ALK: variants seen among roughly 807,000 people sequenced by gnomAD.
The protein encoded by ALK is ALK tyrosine kinase receptor.
A neutral mutation model predicts 163.1 loss-of-function variants in ALK; 74 were observed. The observed-to-expected ratio is 0.45, with a 90% confidence interval of 0.38 to 0.55. The LOEUF is 0.55. ALK is among the 20% of genes least tolerant of loss of function. ALK has a pLI of 0.00. For missense variants in ALK, 2,063 were observed against 2,105.3 expected (o/e 0.98, Z 0.39); for synonymous variants, 960 against 843.2 (o/e 1.14, Z -2.40).
At chr2:29,413,351 T>C (rs1164249711) in intron 4 of ALK, among the ~76,000 whole-genome samples, 1 of 151,626 alleles carries the variant, frequency 6.6e-6, no homozygotes, top group East Asian at 1.9e-4. Context: ...ATACTTGTTA[T>C]CTTTTTTTTT....
intron 5 of ALK, among the ~76,000 whole-genome samples, chr2:29,361,114 C>T (rs140803706): frequency 7.8e-4 from 119 of 152,344 alleles, no homozygotes; most frequent in African/African-American, 2.6e-3. Flanking sequence ...GATGAATCCA[C>T]GAGCAGATCG....
At chr2:29,373,211 T>C (rs550876655) in intron 5 of ALK, among the ~76,000 whole-genome samples, 51 of 152,332 alleles carry the variant, frequency 3.3e-4, no homozygotes, top group Admixed American at 1.6e-3. Flanking sequence ...GATGTAAAAC[T>C]AATAAATACT....
At chr2:29,343,204 T>A (rs957175702) in intron 5 of ALK, among the ~76,000 whole-genome samples, 7 of 142,332 alleles carry the variant, frequency 4.9e-5, no homozygotes, top group Admixed American at 4.2e-4. Context: ...TTTTAAAATT[T>A]AAAAATTTTT....
chr2:29,594,324 C>T (rs1314543976), intron 3 of ALK, among the ~76,000 whole-genome samples: 1 of 152,010 alleles, frequency 6.6e-6, no homozygotes, highest in African/African-American at 2.4e-5. Context: ...GTATCTCTTC[C>T]CAACTCCACA....
chr2:29,673,077 GC>G (rs1677755499), intron 3 of ALK, among the ~76,000 whole-genome samples: 1 of 137,726 alleles, frequency 7.3e-6, no homozygotes, highest in Non-Finnish European at 1.5e-5. Flanking sequence ...CTGGATATTA[GC>G]CCTTTGTCAG....
chr2:29,346,484 C>G (rs1385668179), intron 5 of ALK, among the ~76,000 whole-genome samples: 1 of 152,222 alleles, frequency 6.6e-6, no homozygotes, highest in Admixed American at 6.5e-5. Flanking sequence ...CTGTTGGCAT[C>G]TCTCAGGGCC....
chr2:29,768,147 C>T (rs977595647), intron 1 of ALK, among the ~76,000 whole-genome samples: 2 of 152,272 alleles, frequency 1.3e-5, no homozygotes, highest in African/African-American at 4.8e-5. Context: ...GTGGCCACGT[C>T]GCTGGCTCTG....
intron 3 of ALK, among the ~76,000 whole-genome samples, chr2:29,592,105 A>G (rs543222482): frequency 6.6e-6 from 1 of 152,186 alleles, no homozygotes; most frequent in Admixed American, 6.5e-5. Flanking sequence ...ATGGAGTGAG[A>G]GTTGGGCAGT....
intron 1 of ALK, among the ~76,000 whole-genome samples, chr2:29,882,674 C>T (rs536638625): frequency 3.7e-4 from 57 of 152,252 alleles, no homozygotes; most frequent in African/African-American, 1.3e-3. Flanking sequence ...AGCCTGGCGA[C>T]AGACAGGCAA....
chr2:29,490,215 G>C (rs746462130), intron 4 of ALK, among the ~76,000 whole-genome samples: 36 of 152,236 alleles, frequency 2.4e-4, no homozygotes, highest in Non-Finnish European at 4.8e-4. Flanking sequence ...GAAGAGCTGA[G>C]GCCGCAAGCA....
intron 1 of ALK, among the ~76,000 whole-genome samples, chr2:29,776,452 G>A (rs1047190542): frequency 1.3e-4 from 9 of 71,620 alleles, no homozygotes; most frequent in Non-Finnish European, 2.4e-4. Context: ...CTTTGGGAGG[G>A]CAGCTTCTCT....
At chr2:29,618,555 T>A (rs1347321697) in intron 3 of ALK, among the ~76,000 whole-genome samples, 1 of 152,038 alleles carries the variant, frequency 6.6e-6, no homozygotes, top group Non-Finnish European at 1.5e-5. Context: ...TCCCAACATG[T>A]CCACACCCCC....
chr2:29,510,112 G>C (rs1349648890), intron 4 of ALK, among the ~76,000 whole-genome samples: 1 of 152,200 alleles, frequency 6.6e-6, no homozygotes, highest in African/African-American at 2.4e-5. Flanking sequence ...CAGGGAAGGA[G>C]AAGAAATCCT....
At chr2:29,575,207 G>T (rs1283496206) in intron 3 of ALK, among the ~76,000 whole-genome samples, 1 of 152,152 alleles carries the variant, frequency 6.6e-6, no homozygotes, top group African/African-American at 2.4e-5. Flanking sequence ...GCGGGGGGAG[G>T]TGGAAATCCA....
chr2:29,682,263 T>C (rs1359546757), intron 3 of ALK, among the ~76,000 whole-genome samples: 1 of 152,122 alleles, frequency 6.6e-6, no homozygotes, highest in African/African-American at 2.4e-5. Context: ...AAGCACTCAT[T>C]TGAGGGCTGG....
At chr2:29,293,469 G>A (rs968775832) in intron 9 of ALK, among the ~76,000 whole-genome samples, 6 of 152,188 alleles carry the variant, frequency 3.9e-5, no homozygotes, top group Non-Finnish European at 5.9e-5. Flanking sequence ...TTATAGGGAT[G>A]TTTCAAGAGC....
chr2:29,446,377 G>A (rs548797804), intron 4 of ALK, among the ~76,000 whole-genome samples: 1 of 152,182 alleles, frequency 6.6e-6, no homozygotes, highest in Admixed American at 6.5e-5. Context: ...TCCCCTTGTA[G>A]AAAAGTTCTT....
At chr2:29,621,562 G>A (rs973277235) in intron 3 of ALK, among the ~76,000 whole-genome samples, 2 of 152,258 alleles carry the variant, frequency 1.3e-5, no homozygotes, top group African/African-American at 4.8e-5. Flanking sequence ...ACCCTGGACA[G>A]TGGGACAAAA....
At chr2:29,250,389 C>T (rs572568947) in intron 12 of ALK, among the ~76,000 whole-genome samples, 10 of 152,180 alleles carry the variant, frequency 6.6e-5, no homozygotes, top group Non-Finnish European at 7.3e-5. Flanking sequence ...AAGACTTGAT[C>T]GAGCTCAGAG....
Sources: allele counts gnomAD v4.1 joint callset (sites outside exome capture counted in the v4.1 genomes callset), GRCh38; gene constraint gnomAD v4.1.1; transcripts MANE v1.5; gene names NCBI Gene and HGNC (gene_info 2026-07-23, HGNC 2026-07-21).